Variants in CIITA observed in about 807,000 individuals in gnomAD.
CIITA encodes the protein class II major histocompatibility complex transactivator.
A neutral mutation model predicts 115.1 loss-of-function variants in CIITA; 72 were observed. The ratio of observed to expected loss-of-function variants is 0.63; its 90% CI spans 0.52 to 0.76. The LOEUF (loss-of-function observed/expected upper bound fraction) is 0.76, where lower values mean the gene tolerates loss of function less well. Ranked by LOEUF, CIITA falls within the 30% of genes least tolerant of loss-of-function variation. The pLI, the probability that CIITA is intolerant of heterozygous loss-of-function variation, is 0.00. For missense variants in CIITA, 1,617 were observed against 1,463.8 expected (o/e 1.10, Z -1.71); for synonymous variants, 763 against 635.6 (o/e 1.20, Z -3.02).
Position 10,901,999 on chromosome 16 carries a change from C to T in CIITA, c.482-39C>T. ...CCCTCCCCATCCCAGGAAGGCCCCT[C>T]CAAGCACCCAGTCTCTAACACAGCC... On this transcript the variant is annotated intron_variant, in intron 6 of 19. Transcript: ENST00000324288. This position sits in a 1 kb window ranked among gnomAD's most constrained non-coding sequence, Gnocchi z 6.8. 2 of 1,612,906 alleles carry T rather than the reference C, an allele frequency of 1.2e-6. No homozygotes were observed. The highest frequency in any genetic ancestry group is 1.7e-6 in the Non-Finnish European group (2 of 1,179,888).
Position 10,925,827 on chromosome 16 carries a change from T to C in CIITA, c.*1972T>C, listed in dbSNP as rs1257439276. ...CAGTGGAAAATTAATTGTTTGGGGA[T>C]GAGAAAGGTTGAAGCACCAAAAGCT... On this transcript the variant is annotated 3_prime_UTR_variant, in exon 20 of 20. Transcript: ENST00000324288. The C allele has an allele frequency of 1.3e-5, 2 of 152,228 alleles. No individual in the cohort carries two copies. The highest frequency in any genetic ancestry group is 2.9e-5 in the Non-Finnish European group (2 of 68,034). The allele number at this position is 152,228 out of a possible 1,614,324, so 9.4% of individuals were successfully genotyped here.
At position 10,918,911 on chromosome 16, in the gene CIITA, C is replaced by T. The variant is rs371678422; in HGVS notation, c.3149+385C>T. Among the ~76,000 whole-genome samples the T allele has an allele frequency of 3.3e-5, 5 of 152,196 alleles. No individual in the cohort carries two copies. In the East Asian group the frequency reaches 5.8e-4, roughly 18 times the overall value. ...TTTTGCCGGCCTTGTCACTTACATG[C>T]CGGTCAGTGTTTCACTGCCACCTTC... is the stretch of plus-strand genomic sequence containing the variant. On this transcript the variant is annotated intron_variant, in intron 16 of 19. Transcript: ENST00000324288.
At chr16:10,922,102 T>A in intron 16 of CIITA, 65 bp from the exon 17 acceptor site, 1 of 1,407,616 alleles carries the variant, frequency 7.1e-7, no homozygotes, top group Non-Finnish European at 1.0e-6. Flanking sequence ...CTAGGGATGG[T>A]GGCTTCTGGA....
chr16:10,868,819 C>T (rs1567344874), intron 1 of CIITA, among the ~76,000 whole-genome samples: 1 of 152,194 alleles, frequency 6.6e-6, no homozygotes, highest in African/African-American at 2.4e-5. Flanking sequence ...CACGTGACTC[C>T]AGAAAGTGGA....
Position 10,907,589 on chromosome 16 carries a change from G to A in CIITA, c.2097G>A (p.Pro699=), listed in dbSNP as rs541276235. ...CCAAAGGCTTAGTCCAACACCCACC[G>A]CGGGCCGCAGAGTCCGAGCTGGCCT... The part of the protein sequence containing the change: ...AMAKGLVQHP[P]RAAESELAFP... Residue 699 remains proline (P), a synonymous_variant, in exon 11 of 20, where the codon CCG becomes CCA. Coordinates refer to ENST00000324288, the MANE Select transcript of CIITA (RefSeq NM_000246.4). This position sits in a 1 kb window ranked among gnomAD's most constrained non-coding sequence, Gnocchi z 5.0. The A allele has an allele frequency of 5.6e-6, 9 of 1,614,186 alleles. No homozygotes were observed. The highest frequency in any genetic ancestry group is 4.4e-5 in the South Asian group (4 of 91,086).
intron 12 of CIITA, 54 bp downstream of exon 12, chr16:10,909,241 T>G (rs2039392319): frequency 1.3e-6 from 2 of 1,585,772 alleles, no homozygotes; most frequent in African/African-American, 2.7e-5. Context: ...TGAGGACATG[T>G]AGGACCCATT....
At chr16:10,872,257 G>T (rs376418751), upstream of CIITA, among the ~76,000 whole-genome samples, 2 of 151,978 alleles carry the variant, frequency 1.3e-5, no homozygotes, top group African/African-American at 4.8e-5. Context: ...CGAGTAGCTA[G>T]GATTACAGGC....
upstream of CIITA, among the ~76,000 whole-genome samples, chr16:10,875,980 A>AAAAAG (rs971079774): frequency 1.3e-5 from 2 of 152,312 alleles, no homozygotes; most frequent in South Asian, 4.1e-4. Flanking sequence ...AAAAAAAGAA[A>AAAAAG]AAAAGAAAAG....
chr16:10,915,893 G>A (rs897276453), intron 14 of CIITA, among the ~76,000 whole-genome samples: 1 of 152,094 alleles, frequency 6.6e-6, no homozygotes, highest in African/African-American at 2.4e-5. Flanking sequence ...TCTCTCTTCC[G>A]CCTACTGCAT....
intron 5 of CIITA, among the ~76,000 whole-genome samples, chr16:10,900,147 C>T (rs1370105300): frequency 6.6e-6 from 1 of 152,118 alleles, no homozygotes; most frequent in East Asian, 1.9e-4. Context: ...TTCTGTAGTC[C>T]CTCAGTTTTG....
chr16:10,916,406 T>C lies in CIITA; in HGVS notation c.3009T>C (p.Gly1003=). 3 of 1,613,600 alleles carry C rather than the reference T, an allele frequency of 1.9e-6. No individual in the cohort carries two copies. Among genetic ancestry groups the C allele is most frequent in the East Asian group, 2.2e-5 (1 of 44,854 alleles). The change falls in exon 15 of 20, where the codon GGT becomes GGC. Residue 1003 remains glycine (G), a synonymous_variant. Transcript: ENST00000324288. ...GTGAGAACAAGATCGGGGACGAGGG[T>C]GTCTCGCAGCTCTCAGCCACCTTCC... ...ALSENKIGDE[G]VSQLSATFPQ... is the part of the protein sequence containing the mutation.
rs1703618109 is a variant in CIITA at position 10,927,449 on chromosome 16, C to A, written c.*3594C>A. On this transcript the variant is annotated 3_prime_UTR_variant, in exon 20 of 20. Transcript: ENST00000324288. ...ACATAAAATGAACAAATAATCCTCA[C>A]CTAACGGTTTCATTCATTCTGCAAA... 2 of 152,230 alleles carry A rather than the reference C, an allele frequency of 1.3e-5. No individual in the cohort carries two copies. The highest frequency in any genetic ancestry group is 4.8e-5 in the African/African-American group (2 of 41,452). The allele number at this position is 152,230 out of a possible 1,614,324, so 9.4% of individuals were successfully genotyped here.
intron 1 of CIITA, among the ~76,000 whole-genome samples, chr16:10,889,527 GT>G (rs375071964): frequency 3.4e-5 from 5 of 147,552 alleles, no homozygotes; most frequent in East Asian, 4.0e-4. Flanking sequence ...TTTGTTTTTT[GT>G]TTTTTTTTTG....
At chr16:10,910,743 G>A (rs961343162) in intron 13 of CIITA, among the ~76,000 whole-genome samples, 1 of 152,324 alleles carries the variant, frequency 6.6e-6, no homozygotes, top group Non-Finnish European at 1.5e-5. Context: ...ATAGGAGGAT[G>A]CCACTATGAC....
intron 5 of CIITA, among the ~76,000 whole-genome samples, chr16:10,899,616 T>C (rs1331009025): frequency 6.6e-6 from 1 of 152,238 alleles, no homozygotes; most frequent in Non-Finnish European, 1.5e-5. Flanking sequence ...GTGCCTGGTA[T>C]GCAGTAGCAC....
At position 10,909,040 on chromosome 16, in the gene CIITA, G is replaced by A. The variant is rs1183018313; in HGVS notation, c.2669G>A (p.Ser890Asn). Residue 890 changes from serine (S) to asparagine (N), a missense_variant, in exon 12 of 20, where the codon AGC becomes AAC. Transcript: ENST00000324288. ...CCCTCCCTCCACAGGGCTGCCTTGAGCGACACGGTGGCGCTGTGGGAGTCC... is the reference window on the plus strand; with the variant it reads ...CCCTCCCTCCACAGGGCTGCCTTGAACGACACGGTGGCGCTGTGGGAGTCC... Reference protein sequence around the residue: ...SCVTRFRAALSDTVALWESLQ... With the variant: ...SCVTRFRAALNDTVALWESLQ... 1 of 1,614,172 alleles carries A rather than the reference G, an allele frequency of 6.2e-7. No individual in the cohort carries two copies. Among genetic ancestry groups the A allele is most frequent in the South Asian group, 1.1e-5 (1 of 91,086 alleles).
At chr16:10,918,356 G>A in intron 15 of CIITA, 84 bp from the exon 16 acceptor site, 1 of 1,206,930 alleles carries the variant, frequency 8.3e-7, no homozygotes, top group Non-Finnish European at 1.2e-6. Flanking sequence ...GCCATTCACA[G>A]CCTATGACCC....
At chr16:10,866,327 T>G (rs761749021) in intron 1 of CIITA, 9 of 569,446 alleles carry the variant, frequency 1.6e-5, no homozygotes, top group South Asian at 1.3e-4. Flanking sequence ...CAGGTGAGAA[T>G]GCTGCTCTCC....
rs909171126 is a variant in CIITA, at chr16:10,907,982, C to A, written c.2490C>A (p.Pro830=). The A allele has an allele frequency of 1.3e-6, 2 of 1,584,758 alleles. No homozygotes were observed. The highest frequency in any genetic ancestry group is 1.7e-6 in the Non-Finnish European group (2 of 1,163,634). The part of the protein sequence containing the change: ...GIWQHVVQEL[P]GRLSFLGTRL... Reference sequence around the variant, plus strand: ...GGCAGCACGTGGTACAGGAGCTCCCCGGCCGCCTCTCTTTTCTGGGCACCC... The same window carrying A: ...GGCAGCACGTGGTACAGGAGCTCCCAGGCCGCCTCTCTTTTCTGGGCACCC... Residue 830 remains proline, a synonymous_variant, in exon 11 of 20, where the codon CCC becomes CCA. Transcript: ENST00000324288. The surrounding 1 kb of genome is among the most constrained non-coding windows in gnomAD (Gnocchi z 5.0).
Sources: allele counts gnomAD v4.1 joint callset (sites outside exome capture counted in the v4.1 genomes callset), GRCh38; gene constraint gnomAD v4.1.1; non-coding constraint Gnocchi (gnomAD v3.1); transcripts MANE v1.5; gene names NCBI Gene and HGNC (gene_info 2026-07-23, HGNC 2026-07-21).